The following SLCO5A1 variants were observed in gnomAD, a reference collection of about 807,000 sequenced individuals.
The protein encoded by SLCO5A1 is solute carrier organic anion transporter family member 5A1.
In SLCO5A1, 39 loss-of-function variants were observed where a neutral mutation model predicts 65.1. The ratio of observed to expected loss-of-function variants is 0.60; its 90% CI spans 0.46 to 0.78. The LOEUF is 0.78. Among genes scored for constraint, SLCO5A1 ranks in the 30% least tolerant of loss-of-function variants. The probability of loss-of-function intolerance (pLI) is 0.00; values close to 1 mark genes in which losing one functional copy is unlikely to be tolerated. For missense variants in SLCO5A1, 1,029 were observed against 1,069.4 expected (o/e 0.96, Z 0.53); for synonymous variants, 438 against 415.7 (o/e 1.05, Z -0.65).
intron 6 of SLCO5A1, among the ~76,000 whole-genome samples, chr8:69,704,059 C>CA (rs1554609330): frequency 6.6e-6 from 1 of 151,354 alleles, no homozygotes; most frequent in Non-Finnish European, 1.5e-5. Flanking sequence ...CAAATCAGGG[C>CA]TTTTTTTTAC....
chr8:69,681,720 G>GT (rs140678258), intron 7 of SLCO5A1, among the ~76,000 whole-genome samples: 3,849 of 151,830 alleles, frequency 0.025, 150 homozygotes, highest in African/African-American at 0.086. Context: ...TACTTTGAAA[G>GT]TTTTTTTTTA....
chr8:69,711,481 ACACTTC>A (rs1815255090), intron 5 of SLCO5A1, among the ~76,000 whole-genome samples: 1 of 152,180 alleles, frequency 6.6e-6, no homozygotes. Flanking sequence ...ATACCCAAGG[ACACTTC>A]CATATGTTCG....
intron 2 of SLCO5A1, among the ~76,000 whole-genome samples, chr8:69,822,160 A>G (rs1468251465): frequency 6.6e-6 from 1 of 152,142 alleles, no homozygotes; most frequent in Non-Finnish European, 1.5e-5. Context: ...AAAAATAAAA[A>G]TAAAAGCAAT....
chr8:69,790,692 G>A (rs975538873), intron 2 of SLCO5A1, among the ~76,000 whole-genome samples: 1 of 152,104 alleles, frequency 6.6e-6, no homozygotes, highest in Non-Finnish European at 1.5e-5. Context: ...AAGAAACTGT[G>A]ATACGTGCAC....
chr8:69,689,926 G>A (rs976227775), intron 6 of SLCO5A1, among the ~76,000 whole-genome samples: 4 of 152,126 alleles, frequency 2.6e-5, no homozygotes, highest in African/African-American at 9.7e-5. Context: ...AAATTACCTT[G>A]GGCAGTATGG....
intron 2 of SLCO5A1, among the ~76,000 whole-genome samples, chr8:69,803,585 C>A (rs1453404159): frequency 6.6e-6 from 1 of 152,318 alleles, no homozygotes; most frequent in East Asian, 1.9e-4. Context: ...ATTAGCATAG[C>A]GTCACTGGAC....
chr8:69,749,388 G>T (rs898114693), intron 4 of SLCO5A1, among the ~76,000 whole-genome samples: 3 of 152,130 alleles, frequency 2.0e-5, no homozygotes, highest in Non-Finnish European at 4.4e-5. Context: ...GGAGGCCGAG[G>T]CAATGGATCA....
chr8:69,764,020 G>A (rs1360630203), intron 2 of SLCO5A1, among the ~76,000 whole-genome samples: 3 of 152,012 alleles, frequency 2.0e-5, no homozygotes, highest in Non-Finnish European at 2.9e-5. Context: ...ACCTGCCATC[G>A]CACCGGGCTA....
Position 69,834,121 on chromosome 8 carries a change from CA to C in SLCO5A1, c.-497+732del, listed in dbSNP as rs1267194673. ...ACACACACACACACACACACACACA[CA>C]CACACACCGGCGTACTGGAACCTCT... On this transcript the variant is annotated intron_variant, in intron 1 of 9. Coordinates refer to ENST00000260126, the MANE Select transcript of SLCO5A1 (RefSeq NM_030958.3). 8.3e-5 allele frequency: 13 copies of C among 156,550 alleles called. No homozygotes were observed. In the East Asian group the frequency reaches 2.1e-3, roughly 25 times the overall value. The allele number at this position is 156,550 out of a possible 1,614,324, so 9.7% of individuals were successfully genotyped here.
chr8:69,785,265 C>T (rs946625677), intron 2 of SLCO5A1, among the ~76,000 whole-genome samples: 3 of 152,084 alleles, frequency 2.0e-5, no homozygotes, highest in African/African-American at 7.2e-5. Flanking sequence ...CACAAGCAGA[C>T]ATTTTGGGTG....
Position 69,825,224 on chromosome 8 carries a change from G to T in SLCO5A1, c.907+6543C>A, listed in dbSNP as rs556699861. ...TCCCTTTGAAAACTGGCACAAGACA[G>T]GGATGCCCTCTCTCACCACTCCTAT... On this transcript the variant is annotated intron_variant, in intron 2 of 9. Transcript: ENST00000260126. 2.0e-3 allele frequency among the ~76,000 whole-genome samples: 297 copies of T among 152,262 alleles called. 1 individual carries two copies. Among genetic ancestry groups the T allele is most frequent in the Non-Finnish European group, 3.2e-3 (216 of 68,008 alleles).
At chr8:69,690,897 T>C (rs565591172) in intron 6 of SLCO5A1, among the ~76,000 whole-genome samples, 3 of 152,292 alleles carry the variant, frequency 2.0e-5, no homozygotes, top group Non-Finnish European at 4.4e-5. Flanking sequence ...TTCAAAAAGA[T>C]GACAATTGAT....
intron 8 of SLCO5A1, 90 bp from the exon 9 acceptor site, chr8:69,676,763 G>T: frequency 9.8e-7 from 1 of 1,018,226 alleles, no homozygotes; most frequent in African/African-American, 1.6e-5. Flanking sequence ...CAGAGCCAGG[G>T]ACTAAAGATG....
At chr8:69,762,416 G>A (rs1817840127) in intron 2 of SLCO5A1, among the ~76,000 whole-genome samples, 1 of 151,936 alleles carries the variant, frequency 6.6e-6, no homozygotes, top group Non-Finnish European at 1.5e-5. Context: ...TCGATCTCCT[G>A]ACCTCATGAT....
intron 5 of SLCO5A1, among the ~76,000 whole-genome samples, chr8:69,733,701 T>A (rs1377534716): frequency 6.6e-6 from 1 of 152,178 alleles, no homozygotes; most frequent in Non-Finnish European, 1.5e-5. Flanking sequence ...TAAGGCAGTT[T>A]TTCCTGCTCT....
intron 2 of SLCO5A1, among the ~76,000 whole-genome samples, chr8:69,796,203 A>T (rs182735927): frequency 6.6e-6 from 1 of 151,286 alleles, no homozygotes; most frequent in Non-Finnish European, 1.5e-5. Flanking sequence ...TAACTATGAA[A>T]ATTTATCCAT....
At chr8:69,785,101 A>G (rs893244739) in intron 2 of SLCO5A1, among the ~76,000 whole-genome samples, 3 of 151,914 alleles carry the variant, frequency 2.0e-5, no homozygotes, top group Non-Finnish European at 4.4e-5. Context: ...AAGGACGGAG[A>G]GAGAGAGAGA....
At chr8:69,696,557 T>C (rs1814507230) in intron 6 of SLCO5A1, among the ~76,000 whole-genome samples, 1 of 152,200 alleles carries the variant, frequency 6.6e-6, no homozygotes, top group Non-Finnish European at 1.5e-5. Context: ...CATCAGGAAG[T>C]GCTTCTCTAA....
intron 6 of SLCO5A1, 73 bp from the exon 7 acceptor site, chr8:69,682,416 A>G (rs1800082280): frequency 7.3e-7 from 1 of 1,363,738 alleles, no homozygotes; most frequent in African/African-American, 1.5e-5. Context: ...CTTGAAATTA[A>G]TAATTTGTCC....
Sources: allele counts gnomAD v4.1 joint callset (sites outside exome capture counted in the v4.1 genomes callset), GRCh38; gene constraint gnomAD v4.1.1; transcripts MANE v1.5; gene names NCBI Gene and HGNC (gene_info 2026-07-23, HGNC 2026-07-21).